Variants in PTPRT observed in about 807,000 individuals in gnomAD.
PTPRT encodes protein tyrosine phosphatase receptor type T, also known as receptor-type tyrosine-protein phosphatase T.
In PTPRT, 56 loss-of-function variants were observed where a neutral mutation model predicts 176.8. The ratio of observed to expected loss-of-function variants is 0.32; its 90% CI spans 0.26 to 0.40. The LOEUF is 0.40. Among genes scored for constraint, PTPRT ranks in the 10% least tolerant of loss-of-function variants. PTPRT has a pLI of 1.00. For synonymous variants in PTPRT, 783 were observed against 739.0 expected (o/e 1.06, Z -0.96); for missense variants, 1,540 against 1,908.2 (o/e 0.81, Z 3.60).
At chr20:42,866,033 A>G (rs2078740526) in intron 2 of PTPRT, among the ~76,000 whole-genome samples, 1 of 152,176 alleles carries the variant, frequency 6.6e-6, no homozygotes, top group Admixed American at 6.5e-5. Flanking sequence ...TCTCAAGATC[A>G]ATGTACTAAA....
intron 1 of PTPRT, among the ~76,000 whole-genome samples, chr20:43,098,784 C>T (rs751245488): frequency 2.6e-5 from 4 of 152,152 alleles, no homozygotes; most frequent in Non-Finnish European, 5.9e-5. Context: ...TTTAAGCATT[C>T]GCACTCCAGG....
chr20:43,000,072 AGG>A (rs1984468088), intron 1 of PTPRT, among the ~76,000 whole-genome samples: 1 of 41,678 alleles, frequency 2.4e-5, no homozygotes, highest in African/African-American at 9.8e-5. Context: ...GGAGGGAGGG[AGG>A]GAGGGAGGGA....
rs566538278 is a variant in PTPRT, at chr20:42,360,431, G to A, written c.1561-8146C>T. On this transcript the variant is annotated intron_variant, in intron 9 of 30. Transcript: ENST00000373187. Reference sequence around the variant, plus strand: ...TAGCAGGGCCACCATCAACTCAGACGGCTCTAAGCTCTTTCTTCCTGAACT... The same window carrying A: ...TAGCAGGGCCACCATCAACTCAGACAGCTCTAAGCTCTTTCTTCCTGAACT... 2.5e-3 allele frequency among the ~76,000 whole-genome samples: 376 copies of A among 152,242 alleles called. 2 individuals carry two copies. Among genetic ancestry groups the A allele is most frequent in the African/African-American group, 8.5e-3 (355 of 41,540 alleles).
chr20:42,087,381 C>T (rs1035034041), intron 27 of PTPRT, among the ~76,000 whole-genome samples: 1 of 151,846 alleles, frequency 6.6e-6, no homozygotes, highest in African/African-American at 2.4e-5. Flanking sequence ...CAGGCATGTG[C>T]CATCACACCC....
chr20:42,582,240 C>A (rs1292070607), intron 7 of PTPRT, among the ~76,000 whole-genome samples: 1 of 152,114 alleles, frequency 6.6e-6, no homozygotes, highest in Non-Finnish European at 1.5e-5. Flanking sequence ...TGTGAAGGAG[C>A]TCCTGCAGGC....
intron 22 of PTPRT, among the ~76,000 whole-genome samples, chr20:42,113,116 G>C (rs1457930422): frequency 6.6e-6 from 1 of 152,166 alleles, no homozygotes; most frequent in East Asian, 1.9e-4. Flanking sequence ...TTTGCTGAGT[G>C]CCTGCCTGCA....
chr20:42,483,439 A>G (rs1274297452), intron 7 of PTPRT, among the ~76,000 whole-genome samples: 2 of 152,212 alleles, frequency 1.3e-5, no homozygotes, highest in Non-Finnish European at 2.9e-5. Flanking sequence ...AACTGGGATT[A>G]CAGGTATGAG....
intron 6 of PTPRT, among the ~76,000 whole-genome samples, chr20:42,688,867 T>G (rs1373680283): frequency 1.3e-5 from 2 of 152,130 alleles, no homozygotes; most frequent in Non-Finnish European, 2.9e-5. Flanking sequence ...CTGCTATGTT[T>G]GGGGATGTGG....
intron 11 of PTPRT, among the ~76,000 whole-genome samples, chr20:42,317,756 T>C (rs2057741439): frequency 6.6e-6 from 1 of 152,196 alleles, no homozygotes; most frequent in Non-Finnish European, 1.5e-5. Flanking sequence ...AGTTTTCCCC[T>C]GAATTTTCTT....
chr20:43,095,684 C>T (rs2012106857), intron 1 of PTPRT, among the ~76,000 whole-genome samples: 1 of 149,614 alleles, frequency 6.7e-6, no homozygotes, highest in Non-Finnish European at 1.5e-5. Context: ...CTTCTCCCTG[C>T]CCTCTCCCTG....
intron 12 of PTPRT, among the ~76,000 whole-genome samples, chr20:42,286,102 A>C (rs1265168751): frequency 1.3e-5 from 2 of 152,048 alleles, no homozygotes; most frequent in Non-Finnish European, 2.9e-5. Flanking sequence ...AAATAGAAAG[A>C]TATCTCATGG....
intron 7 of PTPRT, among the ~76,000 whole-genome samples, chr20:42,514,025 C>T (rs2072013338): frequency 6.6e-6 from 1 of 152,134 alleles, no homozygotes; most frequent in African/African-American, 2.4e-5. Context: ...ATTTACTTCT[C>T]ATTTTTTCTA....
chr20:43,004,883 A>G (rs1379736642), intron 1 of PTPRT, among the ~76,000 whole-genome samples: 5 of 152,218 alleles, frequency 3.3e-5, no homozygotes, highest in African/African-American at 4.8e-5. Flanking sequence ...TAGAAACCCT[A>G]ATACATTTTA....
chr20:42,643,609 G>A (rs559653018), intron 7 of PTPRT, among the ~76,000 whole-genome samples: 2 of 151,586 alleles, frequency 1.3e-5, no homozygotes, highest in East Asian at 1.9e-4. Context: ...GAGCCACCAT[G>A]CCCAGCTACC....
At chr20:42,040,084 C>A in the PTPRT span, among the ~76,000 whole-genome samples, 4 of 151,648 alleles carry the variant, frequency 2.6e-5, 1 homozygote, top group East Asian at 1.9e-4. Context: ...TTTTTTTCCC[C>A]ACAGTCTCAC....
chr20:42,182,439 T>C (rs578088398), intron 16 of PTPRT, among the ~76,000 whole-genome samples: 1 of 152,282 alleles, frequency 6.6e-6, no homozygotes, highest in East Asian at 1.9e-4. Flanking sequence ...GGGACCAGAT[T>C]TGCAAGTGTG....
chr20:42,782,719 T>A (rs1461316241), intron 3 of PTPRT, among the ~76,000 whole-genome samples: 1 of 152,194 alleles, frequency 6.6e-6, no homozygotes, highest in Non-Finnish European at 1.5e-5. Flanking sequence ...AAAGAACAAG[T>A]TGAAGAAAGA....
At chr20:42,032,087 C>T in the PTPRT span, among the ~76,000 whole-genome samples, 6 of 151,922 alleles carry the variant, frequency 3.9e-5, no homozygotes, top group Admixed American at 6.6e-5. Flanking sequence ...ATGCCATTGG[C>T]GACTACACCA....
chr20:42,805,055 GT>G (rs1297889207), intron 2 of PTPRT, among the ~76,000 whole-genome samples: 1 of 152,148 alleles, frequency 6.6e-6, no homozygotes, highest in Non-Finnish European at 1.5e-5. Context: ...CACCCAAAGA[GT>G]TATCTAAGGC....
Sources: gnomAD v4.1 joint callset for allele counts (sites outside exome capture counted in the v4.1 genomes callset) on GRCh38, gnomAD v4.1.1 for gene constraint, MANE v1.5 for transcripts, NCBI Gene and HGNC (gene_info 2026-07-23, HGNC 2026-07-21) for gene names.